The following CWC25 variants were observed in gnomAD, a reference collection of about 807,000 sequenced individuals.
CWC25 encodes pre-mRNA-splicing factor CWC25 homolog.
A neutral mutation model predicts 54.6 loss-of-function variants in CWC25; 31 were observed. That is an observed-to-expected ratio of 0.57 (90% confidence interval 0.43 to 0.77). The LOEUF is 0.77. Ranked by LOEUF, CWC25 falls within the 30% of genes least tolerant of loss-of-function variation. The probability of loss-of-function intolerance (pLI) is 0.00; values close to 1 mark genes in which losing one functional copy is unlikely to be tolerated. For missense variants in CWC25, 453 were observed against 529.3 expected (o/e 0.86, Z 1.41); for synonymous variants, 151 against 187.0 (o/e 0.81, Z 1.57).
At chr17:38,817,796 T>C (rs1472021904) in intron 2 of CWC25, among the ~76,000 whole-genome samples, 2 of 149,032 alleles carry the variant, frequency 1.3e-5, no homozygotes, top group African/African-American at 4.9e-5. Flanking sequence ...ACAAAAATAA[T>C]AACAATAATA....
At position 38,800,658 on chromosome 17, in the gene CWC25, A is replaced by C. The variant is rs1006665103; in HGVS notation, c.*1434T>G. On this transcript the variant is annotated 3_prime_UTR_variant, in exon 10 of 10. Transcript: ENST00000614790. ...GAATTAGGAATTAGCAGAACAAGGA[A>C]ATCGCCCAGCTAATGTGCGGGTCAA... 3 of 152,256 alleles carry C rather than the reference A, an allele frequency of 2.0e-5. No homozygotes were observed. Among genetic ancestry groups the C allele is most frequent in the African/African-American group, 7.2e-5 (3 of 41,462 alleles). The allele number at this position is 152,256 out of a possible 1,614,324, so 9.4% of individuals were successfully genotyped here. A position where few individuals can be genotyped will look rare whatever the true frequency, so the allele number is the denominator to read the frequency against.
At position 38,813,851 on chromosome 17, in the gene CWC25, G is replaced by GT. The variant is rs1181052824; in HGVS notation, c.429-988dup. On this transcript the variant is annotated intron_variant, in intron 3 of 9. Coordinates refer to ENST00000614790, the MANE Select transcript of CWC25 (RefSeq NM_017748.5). ...GATCCACCGTACCCGGCTGTCAGTTGTTTTTTTTGTTGTTGTTGTTGTTTT... is the reference window on the plus strand; with the variant it reads ...GATCCACCGTACCCGGCTGTCAGTTGTTTTTTTTTGTTGTTGTTGTTGTTTT... Among the ~76,000 whole-genome samples, 5 of 151,836 alleles carry GT rather than the reference G, an allele frequency of 3.3e-5. No individual in the cohort carries two copies. In the South Asian group the frequency reaches 6.3e-4, roughly 19 times the overall value.
chr17:38,815,851 C>A, intron 2 of CWC25: 1 of 323,990 alleles, frequency 3.1e-6, no homozygotes, highest in South Asian at 2.7e-5. Flanking sequence ...TGTGGGCACA[C>A]AGACACCAGC....
chr17:38,814,693 C>A (rs555083280), intron 3 of CWC25, among the ~76,000 whole-genome samples, 168 bp downstream of exon 3: 1 of 132,458 alleles, frequency 7.5e-6, no homozygotes, highest in South Asian at 2.3e-4. Flanking sequence ...TTGTAGTGAG[C>A]AGAGATCGCG....
chr17:38,803,733 T>TAA (rs35237821), intron 8 of CWC25, among the ~76,000 whole-genome samples: 2 of 141,990 alleles, frequency 1.4e-5, no homozygotes, highest in Non-Finnish European at 3.1e-5. Context: ...GTAGGAGGCT[T>TAA]AAAAAAAAAA....
At chr17:38,816,884 C>G (rs1381729129) in intron 2 of CWC25, among the ~76,000 whole-genome samples, 1 of 150,912 alleles carries the variant, frequency 6.6e-6, no homozygotes, top group Admixed American at 6.6e-5. Context: ...CGAGGTTTCA[C>G]CGTGTTGGCC....
chr17:38,805,632 T>C (rs1276370110), intron 8 of CWC25, among the ~76,000 whole-genome samples: 1 of 151,842 alleles, frequency 6.6e-6, no homozygotes, highest in African/African-American at 2.4e-5. Flanking sequence ...TGAGGGGTTT[T>C]TTAAAGAGGG....
intron 4 of CWC25, among the ~76,000 whole-genome samples, chr17:38,811,213 G>A: frequency 6.6e-6 from 1 of 151,108 alleles, no homozygotes; most frequent in South Asian, 2.1e-4. Flanking sequence ...CAGCCTGGGC[G>A]ACAGAGTGAG....
At chr17:38,815,348 G>A (rs986594374) in intron 2 of CWC25, among the ~76,000 whole-genome samples, 1 of 152,094 alleles carries the variant, frequency 6.6e-6, no homozygotes, top group South Asian at 2.1e-4. Context: ...TTGAGGTCAG[G>A]AGTTCGAGAC....
chr17:38,821,053 G>A lies in CWC25; in HGVS notation c.39C>T (p.His13=), dbSNP rs778425288. 1.1e-5 allele frequency: 18 copies of A among 1,611,918 alleles called. No homozygotes were observed. Among genetic ancestry groups the A allele is most frequent in the Non-Finnish European group, 1.5e-5 (18 of 1,179,392 alleles). Residue 13 remains histidine (H), a synonymous_variant, in exon 2 of 10, where the codon CAC becomes CAT. Transcript: ENST00000614790. ...GGDLNLKKSW[H]PQTLRNVEKV... ...TCTCCACATTCCTGAGGGTCTGCGG[G>A]TGCCAGCTCTTCTTCAGATTCTGTG...
intron 6 of CWC25, among the ~76,000 whole-genome samples, chr17:38,809,044 C>T (rs1021739493): frequency 5.4e-5 from 8 of 148,238 alleles, no homozygotes; most frequent in Non-Finnish European, 8.9e-5. Flanking sequence ...CTCAGGAGTT[C>T]GAGACCAGCC....
chr17:38,815,840 T>C, intron 2 of CWC25: 1 of 352,098 alleles, frequency 2.8e-6, no homozygotes, highest in Non-Finnish European at 5.2e-6. Flanking sequence ...ATCTTGGTGC[T>C]TGTGGGCACA....
At chr17:38,821,219 A>G (rs1911911119) in intron 1 of CWC25, 146 bp from the exon 2 acceptor site, 2 of 730,478 alleles carry the variant, frequency 2.7e-6, no homozygotes, top group East Asian at 5.4e-5. Flanking sequence ...TTCTTCCAAT[A>G]ATCTCTCACA....
Position 38,813,681 on chromosome 17 carries a change from C to CT in CWC25, c.429-818dup, listed in dbSNP as rs1481236369. ...ACATCAGCTTCCCAAGTGGCTGGGA[C>CT]TATAGGCCCCCACCACCATGCCTAG... On this transcript the variant is annotated intron_variant, in intron 3 of 9. Coordinates refer to ENST00000614790, the MANE Select transcript of CWC25 (RefSeq NM_017748.5). Among the ~76,000 whole-genome samples, 3 of 151,806 alleles carry CT rather than the reference C, an allele frequency of 2.0e-5. No homozygotes were observed. In the South Asian group the frequency reaches 6.2e-4, roughly 32 times the overall value.
rs577421932 is a variant in CWC25, at chr17:38,814,725, G to A, written c.428+136C>T. The A allele has an allele frequency of 1.1e-4, 73 of 677,392 alleles. 1 individual carries two copies. The Middle Eastern group carries it at 2.6e-3, about 24-fold the overall frequency. The allele number at this position is 677,392 out of a possible 1,614,324, so 42.0% of individuals were successfully genotyped here. ...CGCGCCACTGCACTTCAGCCTGGGC[G>A]ACAGAGCGAGACTCCGTCTCAAAAA... is the stretch of plus-strand genomic sequence containing the variant. On this transcript the variant is annotated intron_variant, in intron 3 of 9. Transcript: ENST00000614790.
rs1006390151 is a variant in CWC25, at chr17:38,805,722, C to G, written c.1001+575G>C. ...ATCGTAGCTCACTGCAACCTTAATCCCTTGACCTTAAGTGATCCTCCCTGC... is the reference window on the plus strand; with the variant it reads ...ATCGTAGCTCACTGCAACCTTAATCGCTTGACCTTAAGTGATCCTCCCTGC... On this transcript the variant is annotated intron_variant, in intron 8 of 9. Transcript: ENST00000614790. Among the ~76,000 whole-genome samples the G allele has an allele frequency of 2.6e-5, 4 of 152,154 alleles. No homozygotes were observed. In the East Asian group the frequency reaches 7.7e-4, roughly 29 times the overall value.
chr17:38,801,639 A>T lies in CWC25; in HGVS notation c.*453T>A, dbSNP rs1211630167. 1 of 153,428 alleles carries T rather than the reference A, an allele frequency of 6.5e-6. No individual in the cohort carries two copies. Among genetic ancestry groups the T allele is most frequent in the Non-Finnish European group, 1.5e-5 (1 of 68,938 alleles). The allele number at this position is 153,428 out of a possible 1,614,324, so 9.5% of individuals were successfully genotyped here. ...TCCCTTGGCTTTGACCTAACCTGAC[A>T]TCATTCTGTCACATTATCTTCTAAA... On this transcript the variant is annotated 3_prime_UTR_variant, in exon 10 of 10. Transcript: ENST00000614790.
At chr17:38,805,816 CTT>C (rs1234037496) in intron 8 of CWC25, among the ~76,000 whole-genome samples, 8 of 142,902 alleles carry the variant, frequency 5.6e-5, no homozygotes, top group Non-Finnish European at 4.6e-5. Flanking sequence ...TGTTAAGAGA[CTT>C]TTTTTTTTTT....
intron 8 of CWC25, among the ~76,000 whole-genome samples, chr17:38,804,095 C>CA (rs1911132222): frequency 6.6e-6 from 1 of 151,860 alleles, no homozygotes; most frequent in East Asian, 1.9e-4. Context: ...TCCTAGAACT[C>CA]AAAGACATGG....
Sources: allele counts gnomAD v4.1 joint callset (sites outside exome capture counted in the v4.1 genomes callset), GRCh38; gene constraint gnomAD v4.1.1; transcripts MANE v1.5; gene names NCBI Gene and HGNC (gene_info 2026-07-23, HGNC 2026-07-21).